NRG3: variants seen among roughly 807,000 people sequenced by gnomAD.
The protein encoded by NRG3 is pro-neuregulin-3, membrane-bound isoform.
Under a neutral mutation model 66.9 loss-of-function variants are expected in NRG3, and 31 were observed. The observed-to-expected ratio is 0.46, with a 90% CI of 0.35 to 0.63. NRG3 has a LOEUF of 0.63. Among genes scored for constraint, NRG3 ranks in the 20% least tolerant of loss-of-function variants. The probability of loss-of-function intolerance (pLI) is 0.00; values close to 1 mark genes in which losing one functional copy is unlikely to be tolerated. For missense variants in NRG3, 910 were observed against 878.9 expected, an observed-to-expected ratio of 1.04 and a Z score of -0.45; for synonymous variants, 393 against 359.4, an observed-to-expected ratio of 1.09 and a Z score of -1.06.
rs889382351 is a variant in NRG3, at chr10:82,348,436, C to T, written c.824-10303C>T. Reference sequence around the variant, plus strand: ...CTTGTAGGGTTTCTGCTGAGAGATCCGCTGTTAGTCTGATGGGCTTCCCTT... The same window carrying T: ...CTTGTAGGGTTTCTGCTGAGAGATCTGCTGTTAGTCTGATGGGCTTCCCTT... On this transcript the variant is annotated intron_variant, in intron 1 of 8. Transcript: ENST00000372141. Among the ~76,000 whole-genome samples the T allele has an allele frequency of 4.3e-3, 632 of 148,634 alleles. 4 individuals are homozygous for T. The highest frequency in any genetic ancestry group is 7.3e-3 in the Non-Finnish European group (492 of 67,598).
chr10:81,918,974 A>AACACACACACAC (rs542060517), intron 1 of NRG3, among the ~76,000 whole-genome samples: 23 of 150,170 alleles, frequency 1.5e-4, no homozygotes, highest in African/African-American at 5.1e-4. Flanking sequence ...ATCATAACAA[A>AACACACACACAC]ACACACACAC....
intron 2 of NRG3, among the ~76,000 whole-genome samples, chr10:82,589,837 A>C (rs577043475): frequency 1.2e-4 from 18 of 152,192 alleles, no homozygotes; most frequent in South Asian, 4.1e-4. Context: ...TAACTTAAAA[A>C]TCTGTTTTTC....
intron 4 of NRG3, among the ~76,000 whole-genome samples, chr10:82,890,181 AT>A (rs1564606092): frequency 1.3e-5 from 2 of 151,668 alleles, no homozygotes; most frequent in East Asian, 1.9e-4. Flanking sequence ...AGGAAAAAAA[AT>A]AAGTTGTTTT....
chr10:81,892,344 A>T (rs1414752907), intron 1 of NRG3, among the ~76,000 whole-genome samples: 7 of 152,108 alleles, frequency 4.6e-5, no homozygotes, highest in African/African-American at 1.7e-4. Flanking sequence ...GGGTATGAGG[A>T]GCCCTGGAGG....
intron 2 of NRG3, among the ~76,000 whole-genome samples, chr10:82,538,330 G>A (rs2043299994): frequency 6.6e-6 from 1 of 152,156 alleles, no homozygotes; most frequent in Admixed American, 6.5e-5. Context: ...TCTAGCTGCA[G>A]TTTCTATCCT....
chr10:82,073,113 G>GA (rs142441568), intron 1 of NRG3, among the ~76,000 whole-genome samples: 44 of 145,882 alleles, frequency 3.0e-4, no homozygotes, highest in South Asian at 6.5e-4. Context: ...AGGAAGAAGT[G>GA]AAAAAAAAAA....
At chr10:82,494,208 A>G (rs1475139923) in intron 2 of NRG3, among the ~76,000 whole-genome samples, 5 of 152,198 alleles carry the variant, frequency 3.3e-5, no homozygotes, top group Non-Finnish European at 1.5e-5. Context: ...AGAACCAGAA[A>G]TATCATTTGA....
At chr10:82,093,953 C>A (rs2066184180) in intron 1 of NRG3, among the ~76,000 whole-genome samples, 1 of 152,056 alleles carries the variant, frequency 6.6e-6, no homozygotes, top group Admixed American at 6.5e-5. Context: ...GTCCAAAACG[C>A]CAAATATTAC....
intron 2 of NRG3, among the ~76,000 whole-genome samples, chr10:82,390,678 A>G (rs2086299733): frequency 6.6e-6 from 1 of 152,172 alleles, no homozygotes; most frequent in Non-Finnish European, 1.5e-5. Flanking sequence ...TAGCATCAAG[A>G]GTTTAGGGGA....
intron 1 of NRG3, among the ~76,000 whole-genome samples, chr10:82,271,864 T>A (rs560560085): frequency 2.6e-4 from 40 of 152,126 alleles, no homozygotes; most frequent in Non-Finnish European, 5.3e-4. Flanking sequence ...CCTGATGATG[T>A]TATTAAATAC....
At chr10:82,056,279 G>A (rs1457727546) in intron 1 of NRG3, among the ~76,000 whole-genome samples, 1 of 152,026 alleles carries the variant, frequency 6.6e-6, no homozygotes, top group East Asian at 1.9e-4. Flanking sequence ...AGGTGGGTGT[G>A]ATGACTTTAA....
chr10:82,385,469 G>A (rs540833879), intron 2 of NRG3, among the ~76,000 whole-genome samples: 46 of 152,296 alleles, frequency 3.0e-4, no homozygotes, highest in African/African-American at 9.9e-4. Flanking sequence ...AATATGCAAA[G>A]TGTATAGAAT....
chr10:82,132,200 A>G (rs1014016542), intron 1 of NRG3, among the ~76,000 whole-genome samples: 1 of 151,588 alleles, frequency 6.6e-6, no homozygotes, highest in African/African-American at 2.4e-5. Context: ...TTGTGTTGAG[A>G]TATGTTTCTT....
intron 3 of NRG3, among the ~76,000 whole-genome samples, chr10:82,800,266 C>G (rs747769240): frequency 2.5e-4 from 38 of 152,140 alleles, no homozygotes; most frequent in Non-Finnish European, 4.1e-4. Context: ...CTTTACTTTT[C>G]TGCGGAAGGT....
chr10:81,972,859 C>T (rs1424442939), intron 1 of NRG3, among the ~76,000 whole-genome samples: 1 of 151,870 alleles, frequency 6.6e-6, no homozygotes, highest in Non-Finnish European at 1.5e-5. Flanking sequence ...TGTTTCAAAC[C>T]AATGATTTTA....
At chr10:82,985,070 A>C (rs770531502) in intron 8 of NRG3, 28 bp from the exon 9 acceptor site, 1 of 1,601,182 alleles carries the variant, frequency 6.2e-7, no homozygotes, top group Admixed American at 1.7e-5. Context: ...TAGAAAGCAG[A>C]AGGAGTAACA....
intron 1 of NRG3, among the ~76,000 whole-genome samples, chr10:82,274,282 T>C (rs2078736434): frequency 6.6e-6 from 1 of 152,024 alleles, no homozygotes; most frequent in Non-Finnish European, 1.5e-5. Context: ...GTCTACAAAG[T>C]TTTCTTCCCA....
At chr10:82,764,672 A>C (rs1236666971) in intron 3 of NRG3, among the ~76,000 whole-genome samples, 1 of 152,104 alleles carries the variant, frequency 6.6e-6, no homozygotes, top group Admixed American at 6.6e-5. Flanking sequence ...CACCACACCC[A>C]GCCAGCAAAT....
chr10:82,685,566 G>T (rs2054449919), intron 2 of NRG3, among the ~76,000 whole-genome samples: 1 of 152,136 alleles, frequency 6.6e-6, no homozygotes, highest in Non-Finnish European at 1.5e-5. Flanking sequence ...ACACTGTACA[G>T]TTAGGCTACA....
Sources: allele counts gnomAD v4.1 joint callset (sites outside exome capture counted in the v4.1 genomes callset), GRCh38; gene constraint gnomAD v4.1.1; transcripts MANE v1.5; gene names NCBI Gene and HGNC (gene_info 2026-07-23, HGNC 2026-07-21).